CNTN4: variants seen among roughly 807,000 people sequenced by gnomAD.
CNTN4 encodes the protein contactin 4.
Under a neutral mutation model 122.5 loss-of-function variants are expected in CNTN4, and 77 were observed. The ratio of observed to expected loss-of-function variants is 0.63; its 90% CI spans 0.52 to 0.76. The LOEUF (loss-of-function observed/expected upper bound fraction) is 0.76, where lower values mean the gene tolerates loss of function less well. CNTN4 is among the 30% of genes least tolerant of loss of function. The probability of loss-of-function intolerance (pLI) is 0.00; values close to 1 mark genes in which losing one functional copy is unlikely to be tolerated. For synonymous variants in CNTN4, 512 were observed against 447.0 expected (o/e 1.15, Z -1.83); for missense variants, 1,256 against 1,259.1 (o/e 1.00, Z 0.04).
chr3:2,590,679 C>T (rs868209769), intron 4 of CNTN4, among the ~76,000 whole-genome samples: 2 of 152,076 alleles, frequency 1.3e-5, no homozygotes, highest in Middle Eastern at 6.8e-3. Flanking sequence ...ATTACTAAAT[C>T]ATGTCAACCG....
chr3:2,526,493 T>A (rs2077402632), intron 3 of CNTN4, among the ~76,000 whole-genome samples: 1 of 152,096 alleles, frequency 6.6e-6, no homozygotes. Flanking sequence ...GGAAATATAG[T>A]TGTATAAAAG....
At chr3:2,529,485 G>C (rs1016543698) in intron 3 of CNTN4, among the ~76,000 whole-genome samples, 13 of 152,052 alleles carry the variant, frequency 8.5e-5, no homozygotes, top group African/African-American at 2.9e-4. Context: ...GGTATTGCTA[G>C]ATAATGTTTA....
chr3:2,247,008 G>A (rs1195596512), intron 2 of CNTN4, among the ~76,000 whole-genome samples: 2 of 152,020 alleles, frequency 1.3e-5, no homozygotes, highest in African/African-American at 4.8e-5. Context: ...GAGGAGGTTG[G>A]TTAAGTACAA....
intron 13 of CNTN4, among the ~76,000 whole-genome samples, chr3:2,954,949 C>T (rs369165514): frequency 1.3e-5 from 2 of 152,202 alleles, no homozygotes; most frequent in South Asian, 2.1e-4. Context: ...TCATTCCCTA[C>T]GCCCTGCCCC....
intron 2 of CNTN4, among the ~76,000 whole-genome samples, chr3:2,158,347 A>T (rs1276484130): frequency 8.5e-5 from 13 of 152,366 alleles, no homozygotes; most frequent in Non-Finnish European, 1.9e-4. Flanking sequence ...TGTTTCATAA[A>T]ATATATTTCA....
At chr3:2,801,974 A>G (rs2092358848) in intron 6 of CNTN4, among the ~76,000 whole-genome samples, 1 of 152,348 alleles carries the variant, frequency 6.6e-6, no homozygotes, top group East Asian at 1.9e-4. Flanking sequence ...TGCTAAAAAT[A>G]AGTACTATAA....
chr3:2,218,543 T>TA (rs961223027), intron 2 of CNTN4, among the ~76,000 whole-genome samples: 14 of 151,822 alleles, frequency 9.2e-5, no homozygotes, highest in Non-Finnish European at 5.9e-5. Context: ...TATTAAAAAA[T>TA]AAAAAAAAGT....
chr3:2,105,766 A>G (rs2032391704), intron 2 of CNTN4, among the ~76,000 whole-genome samples: 1 of 152,120 alleles, frequency 6.6e-6, no homozygotes. Context: ...TCACATTTCA[A>G]CATGCCTTCC....
chr3:2,672,942 G>A (rs990133732), intron 4 of CNTN4, among the ~76,000 whole-genome samples: 3 of 152,156 alleles, frequency 2.0e-5, no homozygotes, highest in Non-Finnish European at 2.9e-5. Flanking sequence ...AGAGAATCAC[G>A]TAAATAGATA....
At chr3:2,865,957 T>C (rs2093719372) in intron 7 of CNTN4, among the ~76,000 whole-genome samples, 1 of 152,206 alleles carries the variant, frequency 6.6e-6, no homozygotes, top group South Asian at 2.1e-4. Flanking sequence ...TATCACTATC[T>C]CATATCCACT....
intron 4 of CNTN4, among the ~76,000 whole-genome samples, chr3:2,646,904 G>A (rs991363380): frequency 6.6e-6 from 1 of 152,122 alleles, no homozygotes; most frequent in Non-Finnish European, 1.5e-5. Context: ...CCTCTTAAAA[G>A]GCCCTGTGTC....
intron 6 of CNTN4, among the ~76,000 whole-genome samples, chr3:2,757,745 G>A (rs961991090): frequency 2.6e-5 from 4 of 152,138 alleles, no homozygotes; most frequent in South Asian, 2.1e-4. Context: ...AAAAGTATGC[G>A]TTAGGGTTCA....
At chr3:2,156,447 A>G (rs987914128) in intron 2 of CNTN4, among the ~76,000 whole-genome samples, 3 of 152,226 alleles carry the variant, frequency 2.0e-5, no homozygotes, top group Non-Finnish European at 2.9e-5. Context: ...ACCGTGTGGC[A>G]GCAGTAAGCA....
intron 2 of CNTN4, among the ~76,000 whole-genome samples, chr3:2,108,703 G>T (rs866730128): frequency 1.3e-5 from 2 of 152,196 alleles, no homozygotes; most frequent in African/African-American, 2.4e-5. Context: ...TATGTGTTTT[G>T]TAGGGTTGTT....
intron 3 of CNTN4, among the ~76,000 whole-genome samples, chr3:2,507,456 C>G (rs1342322826): frequency 2.0e-5 from 3 of 151,900 alleles, no homozygotes; most frequent in Non-Finnish European, 4.4e-5. Context: ...TGGCTCATGA[C>G]TGTAATCCCA....
intron 3 of CNTN4, among the ~76,000 whole-genome samples, chr3:2,430,498 A>G (rs1006065916): frequency 4.0e-5 from 6 of 150,332 alleles, no homozygotes; most frequent in Admixed American, 6.7e-5. Context: ...TGTAGGCTGG[A>G]GCTGTTCCTA....
intron 2 of CNTN4, among the ~76,000 whole-genome samples, chr3:2,175,397 G>C (rs2036706093): frequency 1.3e-5 from 2 of 151,742 alleles, no homozygotes; most frequent in East Asian, 1.9e-4. Flanking sequence ...ATTTCAACAA[G>C]GAAAAAAAGT....
At chr3:2,199,687 G>A (rs1173585048) in intron 2 of CNTN4, among the ~76,000 whole-genome samples, 1 of 152,194 alleles carries the variant, frequency 6.6e-6, no homozygotes, top group Non-Finnish European at 1.5e-5. Context: ...TTCTCCTAGA[G>A]TGTGCATTTC....
At chr3:2,155,361 A>C (rs931118627) in intron 2 of CNTN4, among the ~76,000 whole-genome samples, 2 of 152,100 alleles carry the variant, frequency 1.3e-5, no homozygotes, top group African/African-American at 4.8e-5. Context: ...GTGAACACAG[A>C]TTATCCGTAC....
Sources: gnomAD v4.1 joint callset for allele counts (sites outside exome capture counted in the v4.1 genomes callset) on GRCh38, gnomAD v4.1.1 for gene constraint, MANE v1.5 for transcripts, NCBI Gene and HGNC (gene_info 2026-07-23, HGNC 2026-07-21) for gene names.